EMSY: variants seen among roughly 807,000 people sequenced by gnomAD.
EMSY encodes EMSY transcriptional repressor, BRCA2 interacting.
A neutral mutation model predicts 134.6 loss-of-function variants in EMSY; 26 were observed. The ratio of observed to expected loss-of-function variants is 0.19; its 90% confidence interval spans 0.14 to 0.27. The LOEUF is 0.27. EMSY is among the 10% of genes least tolerant of loss of function. The probability of loss-of-function intolerance (pLI) is 1.00; values close to 1 mark genes in which losing one functional copy is unlikely to be tolerated. For missense variants in EMSY, 1,305 were observed against 1,611.4 expected (o/e 0.81, Z 3.26); for synonymous variants, 579 against 577.8 (o/e 1.00, Z -0.03).
intron 4 of EMSY, 125 bp from the exon 6 acceptor site, chr11:76,458,058 A>T: frequency 1.2e-5 from 9 of 729,758 alleles, no homozygotes; most frequent in African/African-American, 7.3e-5. Context: ...TGCTTAAAAT[A>T]AAGCCTCTCC....
intron 9 of EMSY, among the ~76,000 whole-genome samples, chr11:76,509,190 G>T (rs1950184641): frequency 6.6e-6 from 1 of 152,038 alleles, no homozygotes; most frequent in African/African-American, 2.4e-5. Flanking sequence ...TTGGAAAAAT[G>T]GTGCCTATAG....
chr11:76,491,351 TG>T (rs763950073), intron 8 of EMSY, among the ~76,000 whole-genome samples: 6 of 152,068 alleles, frequency 3.9e-5, no homozygotes, highest in Non-Finnish European at 7.4e-5. Flanking sequence ...CGGCTTTTTT[TG>T]TTTTTTGTTT....
At chr11:76,462,167 A>G (rs1383063888) in intron 6 of EMSY, among the ~76,000 whole-genome samples, 2 of 152,020 alleles carry the variant, frequency 1.3e-5, no homozygotes, top group African/African-American at 4.8e-5. Flanking sequence ...TGAATCTGGG[A>G]GACGGAGGTT....
rs184735229 is a variant in EMSY, at chr11:76,542,603, A to G, written c.2709+236A>G. On this transcript the variant is annotated intron_variant, in intron 18 of 20. Transcript: ENST00000334736. ...ATTTCAAAAGGGTGAGAATGTCTAGATGAATCTAATGACATCAGAATTGGT... is the reference window on the plus strand; with the variant it reads ...ATTTCAAAAGGGTGAGAATGTCTAGGTGAATCTAATGACATCAGAATTGGT... Among the ~76,000 whole-genome samples the G allele has an allele frequency of 2.6e-5, 4 of 152,346 alleles. No individual in the cohort carries two copies. The East Asian group carries it at 7.7e-4, about 29-fold the overall frequency.
At chr11:76,528,155 A>G (rs745906954) in intron 13 of EMSY, 113 bp from the exon 15 acceptor site, 26 of 881,670 alleles carry the variant, frequency 2.9e-5, no homozygotes, top group Non-Finnish European at 4.4e-5. Context: ...TAAAAAGTAT[A>G]ACGTACAGAA....
chr11:76,518,827 G>A (rs75963420), intron 11 of EMSY, among the ~76,000 whole-genome samples: 2,473 of 144,144 alleles, frequency 0.017, 47 homozygotes, highest in East Asian at 0.094. Context: ...TTTTCTTATT[G>A]TAGCAAGTTT....
intron 9 of EMSY, among the ~76,000 whole-genome samples, chr11:76,506,486 A>G (rs189348089): frequency 1.1e-3 from 164 of 152,368 alleles, no homozygotes; most frequent in African/African-American, 3.7e-3. Context: ...TGAAATGCAC[A>G]GAATACCAAT....
At chr11:76,509,197 A>G (rs956383380) in intron 9 of EMSY, among the ~76,000 whole-genome samples, 2 of 152,168 alleles carry the variant, frequency 1.3e-5, no homozygotes, top group Non-Finnish European at 2.9e-5. Flanking sequence ...AATGGTGCCT[A>G]TAGACTTACT....
chr11:76,513,103 A>T (rs1411110352), intron 9 of EMSY, among the ~76,000 whole-genome samples: 2 of 152,190 alleles, frequency 1.3e-5, no homozygotes, highest in Non-Finnish European at 2.9e-5. Flanking sequence ...TCCAGTGGAT[A>T]ATTTGGTTTG....
At chr11:76,456,989 C>T (rs1320847999) in intron 4 of EMSY, among the ~76,000 whole-genome samples, 1 of 151,982 alleles carries the variant, frequency 6.6e-6, no homozygotes, top group African/African-American at 2.4e-5. Flanking sequence ...GTTGCGTGAC[C>T]TTAGGCAAGT....
At chr11:76,542,872 G>C (rs912773274) in intron 18 of EMSY, among the ~76,000 whole-genome samples, 1 of 151,554 alleles carries the variant, frequency 6.6e-6, no homozygotes, top group Admixed American at 6.6e-5. Flanking sequence ...AGATGCAACA[G>C]AAAGTTGAGA....
intron 7 of EMSY, among the ~76,000 whole-genome samples, chr11:76,469,329 T>G (rs1468929499): frequency 6.6e-6 from 1 of 152,202 alleles, no homozygotes; most frequent in Non-Finnish European, 1.5e-5. Flanking sequence ...ATAAGCATTG[T>G]GCTCCAGGAA....
intron 12 of EMSY, among the ~76,000 whole-genome samples, chr11:76,524,075 C>G (rs1465112214): frequency 6.6e-6 from 1 of 152,036 alleles, no homozygotes; most frequent in East Asian, 1.9e-4. Flanking sequence ...AAATAAATAA[C>G]AGATTCATTT....
intron 9 of EMSY, among the ~76,000 whole-genome samples, chr11:76,504,087 A>AC (rs1287806398): frequency 6.6e-6 from 1 of 151,898 alleles, no homozygotes; most frequent in Non-Finnish European, 1.5e-5. Flanking sequence ...TGCCCAGCTA[A>AC]CTGCTGTGTT....
rs534724967 is a variant in EMSY, at chr11:76,470,394, T to C, written c.832-2170T>C. On this transcript the variant is annotated intron_variant, in intron 7 of 20. Coordinates refer to ENST00000334736, the Ensembl canonical transcript of EMSY. ...TGTGTTCTCATTTGTAAAATGGGGATAATAATAGTACACGTATCATAGAAT... is the reference window on the plus strand; with the variant it reads ...TGTGTTCTCATTTGTAAAATGGGGACAATAATAGTACACGTATCATAGAAT... 4.6e-5 allele frequency among the ~76,000 whole-genome samples: 7 copies of C among 152,316 alleles called. No individual in the cohort carries two copies. In the South Asian group the frequency reaches 1.5e-3, roughly 32 times the overall value.
chr11:76,544,962 T>C, intron 19 of EMSY, 140 bp downstream of exon 20: 1 of 910,686 alleles, frequency 1.1e-6, no homozygotes, highest in African/African-American at 1.7e-5. Context: ...TGGTATTACT[T>C]TGCCCCATCA....
intron 3 of EMSY, among the ~76,000 whole-genome samples, chr11:76,452,821 C>G (rs1366061324): frequency 6.6e-6 from 1 of 152,016 alleles, no homozygotes; most frequent in Non-Finnish European, 1.5e-5. Context: ...TAGTGTATAG[C>G]CACAGGAAAC....
chr11:76,464,872 T>C (rs544839953), intron 7 of EMSY, among the ~76,000 whole-genome samples: 1 of 152,348 alleles, frequency 6.6e-6, no homozygotes, highest in South Asian at 2.1e-4. Flanking sequence ...AAAAGTATTC[T>C]AGGTTGGAAG....
At chr11:76,494,368 A>C (rs1949545061) in intron 8 of EMSY, among the ~76,000 whole-genome samples, 1 of 152,228 alleles carries the variant, frequency 6.6e-6, no homozygotes, top group South Asian at 2.1e-4. Flanking sequence ...GATTATCTTC[A>C]TTTAATATAA....
Sources: allele counts gnomAD v4.1 joint callset (sites outside exome capture counted in the v4.1 genomes callset), GRCh38; gene constraint gnomAD v4.1.1; transcripts MANE v1.5; gene names NCBI Gene and HGNC (gene_info 2026-07-23, HGNC 2026-07-21).